The following TMEM151B variants were observed in gnomAD, a reference collection of about 807,000 sequenced individuals.
TMEM151B encodes transmembrane protein 193.
A neutral mutation model predicts 33.0 loss-of-function variants in TMEM151B; 18 were observed. The ratio of observed to expected loss-of-function variants is 0.55; its 90% CI spans 0.38 to 0.81. The LOEUF (loss-of-function observed/expected upper bound fraction) is 0.81, where lower values mean the gene tolerates loss of function less well. TMEM151B is among the 30% of genes least tolerant of loss of function. The pLI, the probability that TMEM151B is intolerant of heterozygous loss-of-function variation, is 0.00. For missense variants in TMEM151B, 672 were observed against 843.4 expected (o/e 0.80, Z 2.52); for synonymous variants, 354 against 373.6 (o/e 0.95, Z 0.61).
chr6:44,275,087 C>G (rs1042603406), intron 2 of TMEM151B, among the ~76,000 whole-genome samples: 1 of 141,072 alleles, frequency 7.1e-6, no homozygotes, highest in Non-Finnish European at 1.5e-5. Flanking sequence ...CACTGCACTC[C>G]AGCCTGGGCG....
rs1782277452 is a variant in TMEM151B at position 44,270,515 on chromosome 6, C to A, written c.-228C>A. ...GCGCCGCGAGGGCCTCAAGGTGACA[C>A]CCGCCCCCGGCCCCGGCCCCCCCCG... On this transcript the variant is annotated 5_prime_UTR_variant, in exon 1 of 3. Coordinates refer to ENST00000451188, the MANE Select transcript of TMEM151B (RefSeq NM_001137560.2). 5.9e-6 allele frequency: 1 copy of A among 170,038 alleles called. No homozygotes were observed. Among genetic ancestry groups the A allele is most frequent in the Non-Finnish European group, 1.2e-5 (1 of 81,664 alleles). The allele number at this position is 170,038 out of a possible 1,614,324, so 10.5% of individuals were successfully genotyped here. A position where few individuals can be genotyped will look rare whatever the true frequency, so the allele number is the denominator to read the frequency against.
chr6:44,276,593 C>A lies in TMEM151B; in HGVS notation c.*66C>A. Reference sequence around the variant, plus strand: ...CCCTCGCCGGACTGTGCTCCCTCTGCGACGCAGGGCGAGTCACCACGGTGA... The same window carrying A: ...CCCTCGCCGGACTGTGCTCCCTCTGAGACGCAGGGCGAGTCACCACGGTGA... On this transcript the variant is annotated 3_prime_UTR_variant, in exon 3 of 3. Transcript: ENST00000451188. 7.7e-7 allele frequency: 1 copy of A among 1,301,566 alleles called. No homozygotes were observed. The highest frequency in any genetic ancestry group is 9.8e-7 in the Non-Finnish European group (1 of 1,024,452). 80.6% of individuals were successfully genotyped at this position (1,301,566 alleles called of 1,614,324 possible). A position where few individuals can be genotyped will look rare whatever the true frequency, so the allele number is the denominator to read the frequency against.
rs1782298875 is a variant in TMEM151B, at chr6:44,270,832, GGCGGCGGCA to G, written c.99_107del (p.Ala35_Ala37del). The G allele has an allele frequency of 1.8e-6, 2 of 1,133,760 alleles. No individual in the cohort carries two copies. The highest frequency in any genetic ancestry group is 1.7e-5 in the African/African-American group (1 of 60,282). 70.2% of individuals were successfully genotyped at this position (1,133,760 alleles called of 1,614,324 possible). ...CCGGGGTCTCGGAGGAGCTCACGGC[GGCGGCGGCA>G]GCGGCGGCGGCGGACGAGGGCCCCG... On this transcript the variant is annotated inframe_deletion, in exon 1 of 3. Coordinates refer to ENST00000451188, the MANE Select transcript of TMEM151B (RefSeq NM_001137560.2).
rs325017 is a variant in TMEM151B, at chr6:44,278,312, A to G, written c.*1785A>G. The stretch of plus-strand genomic sequence containing the variant: ...AGGCTAGAGAGAGGGAGGCTTGGGC[A>G]GGGGAAACAGCTGCCCACCAGGTTT... On this transcript the variant is annotated 3_prime_UTR_variant, in exon 3 of 3. Transcript: ENST00000451188. 111,385 of 154,754 alleles carry G rather than the reference A, an allele frequency of 0.72. 41,257 individuals are homozygous for G. The highest frequency in any genetic ancestry group is 0.81 in the Non-Finnish European group (55,438 of 68,312). 9.6% of individuals were successfully genotyped at this position (154,754 alleles called of 1,614,324 possible). A position where few individuals can be genotyped will look rare whatever the true frequency, so the allele number is the denominator to read the frequency against.
chr6:44,274,804 A>C (rs1782503342), intron 2 of TMEM151B, among the ~76,000 whole-genome samples: 1 of 152,214 alleles, frequency 6.6e-6, no homozygotes, highest in Non-Finnish European at 1.5e-5. Flanking sequence ...TGACCCCTAG[A>C]GGAAGCAGGG....
chr6:44,276,250 C>CGCTGGG lies in TMEM151B; in HGVS notation c.1425_1430dup (p.Leu476_Gly477dup), dbSNP rs1426374636. On this transcript the variant is annotated inframe_insertion, in exon 3 of 3. Coordinates refer to ENST00000451188, the MANE Select transcript of TMEM151B (RefSeq NM_001137560.2). ...GCGGGCTGCGGGGGCAGCCGCTTCT[C>CGCTGGG]GCTGGGCCGTCTCTACGGCTCCCGG... The CGCTGGG allele has an allele frequency of 5.4e-5, 71 of 1,318,398 alleles. No individual in the cohort carries two copies. The highest frequency in any genetic ancestry group is 6.6e-5 in the Non-Finnish European group (68 of 1,038,032). 81.7% of individuals were successfully genotyped at this position (1,318,398 alleles called of 1,614,324 possible).
At chr6:44,272,674 C>A (rs938973588) in intron 1 of TMEM151B, among the ~76,000 whole-genome samples, 1 of 152,184 alleles carries the variant, frequency 6.6e-6, no homozygotes, top group Non-Finnish European at 1.5e-5. Context: ...CCCCTGTCTT[C>A]CCTGTCCACA....
Position 44,276,087 on chromosome 6 carries a change from C to A in TMEM151B, c.1261C>A (p.Pro421Thr). Residue 421 changes from proline (P) to threonine (T), a missense_variant, in exon 3 of 3, where the codon CCG (proline) becomes ACG (threonine). Coordinates refer to ENST00000451188, the MANE Select transcript of TMEM151B (RefSeq NM_001137560.2). ...GTGCCGCTACGGTGGGGTAGGCGGC[C>A]CGGGCGCGGCGGGCGTGGCTCCCTA... Reference protein sequence around the residue: ...PSCRYGGVGGPGAAGVAPYRR... With the variant: ...PSCRYGGVGGTGAAGVAPYRR... 7.6e-7 allele frequency: 1 copy of A among 1,321,542 alleles called. No individual in the cohort carries two copies. The highest frequency in any genetic ancestry group is 2.8e-4 in the Middle Eastern group (1 of 3,566). 81.9% of individuals were successfully genotyped at this position (1,321,542 alleles called of 1,614,324 possible).
intron 2 of TMEM151B, 128 bp downstream of exon 2, chr6:44,273,634 C>A: frequency 2.9e-6 from 3 of 1,028,100 alleles, no homozygotes; most frequent in South Asian, 1.7e-5. Context: ...CTCCCATGAG[C>A]ATTGCAACAG....
rs1040590138 is a variant in TMEM151B, at chr6:44,276,386, C to T, written c.1560C>T (p.Asp520=). ...QASMGDDEDD[D]EEEAGPPPPY... ...GCATGGGGGACGACGAGGACGACGA[C>T]GAGGAGGAGGCCGGGCCGCCGCCGC... Residue 520 remains aspartate (D), a synonymous_variant, in exon 3 of 3, where the codon GAC becomes GAT. Transcript: ENST00000451188. 1.1e-5 allele frequency: 16 copies of T among 1,515,602 alleles called. No homozygotes were observed. Among genetic ancestry groups the T allele is most frequent in the Non-Finnish European group, 1.4e-5 (16 of 1,137,494 alleles). 93.9% of individuals were successfully genotyped at this position (1,515,602 alleles called of 1,614,324 possible). A position where few individuals can be genotyped will look rare whatever the true frequency, so the allele number is the denominator to read the frequency against.
intron 1 of TMEM151B, among the ~76,000 whole-genome samples, chr6:44,271,291 T>C (rs1782330896): frequency 7.4e-6 from 1 of 134,814 alleles, no homozygotes; most frequent in South Asian, 2.4e-4. Flanking sequence ...TGGTGGTACC[T>C]GATCTGGGAC....
chr6:44,273,064 A>G lies in TMEM151B; in HGVS notation c.136-2A>G. The G allele has an allele frequency of 6.7e-7, 1 of 1,485,636 alleles. No individual in the cohort carries two copies. Among genetic ancestry groups the G allele is most frequent in the Non-Finnish European group, 9.0e-7 (1 of 1,111,556 alleles). 92.0% of individuals were successfully genotyped at this position (1,485,636 alleles called of 1,614,324 possible). ...GGCCCCTCTCCCTGCCCACCTGAGC[A>G]GCAGCGTCCCATCCAGCCCTCTTTC... On this transcript the variant is annotated splice_acceptor_variant, in intron 1 of 2. Coordinates refer to ENST00000451188, the MANE Select transcript of TMEM151B (RefSeq NM_001137560.2). LOFTEE classifies it high-confidence loss of function.
At position 44,270,826 on chromosome 6, in the gene TMEM151B, C is replaced by T; in HGVS notation, c.84C>T (p.Leu28=). The change falls in exon 1 of 3, where the codon CTC becomes CTT. Residue 28 remains leucine (L), a synonymous_variant. Transcript: ENST00000451188. ...GGGGPGVSEE[L]TAAAAAAAAD... ...GCGGCCCCGGGGTCTCGGAGGAGCT[C>T]ACGGCGGCGGCGGCAGCGGCGGCGG... The T allele has an allele frequency of 8.9e-7, 1 of 1,124,156 alleles. No individual in the cohort carries two copies. Among genetic ancestry groups the T allele is most frequent in the Non-Finnish European group, 1.1e-6 (1 of 921,824 alleles). 69.6% of individuals were successfully genotyped at this position (1,124,156 alleles called of 1,614,324 possible).
At chr6:44,274,797 C>T (rs371070588) in intron 2 of TMEM151B, among the ~76,000 whole-genome samples, 1 of 152,164 alleles carries the variant, frequency 6.6e-6, no homozygotes, top group Admixed American at 6.5e-5. Context: ...CAGGGCCTGA[C>T]CCCTAGAGGA....
intron 2 of TMEM151B, among the ~76,000 whole-genome samples, chr6:44,274,648 T>G (rs1202025011): frequency 2.6e-5 from 4 of 152,218 alleles, no homozygotes; most frequent in Non-Finnish European, 5.9e-5. Flanking sequence ...TAGGGAGTGC[T>G]TCTGGGGAAC....
chr6:44,272,482 G>A (rs1782402389), intron 1 of TMEM151B, among the ~76,000 whole-genome samples: 1 of 152,124 alleles, frequency 6.6e-6, no homozygotes. Context: ...TGAGGGTTAG[G>A]GAGGTGGATG....
chr6:44,274,152 C>A (rs1311592971), intron 2 of TMEM151B, among the ~76,000 whole-genome samples: 1 of 151,712 alleles, frequency 6.6e-6, no homozygotes, highest in Non-Finnish European at 1.5e-5. Flanking sequence ...GCAGTTGAGG[C>A]TGTAGTGAGC....
intron 1 of TMEM151B, among the ~76,000 whole-genome samples, chr6:44,272,806 T>C (rs1782419349): frequency 6.6e-6 from 1 of 151,978 alleles, no homozygotes; most frequent in African/African-American, 2.4e-5. Context: ...CCTCTTGGGG[T>C]GTCTCTCTCT....
Position 44,270,701 on chromosome 6 carries a change from GC to G in TMEM151B, c.-36del, listed in dbSNP as rs1007703856. The G allele has an allele frequency of 5.7e-5, 41 of 724,722 alleles. No individual in the cohort carries two copies. The highest frequency in any genetic ancestry group is 6.4e-5 in the Non-Finnish European group (36 of 560,206). 44.9% of individuals were successfully genotyped at this position (724,722 alleles called of 1,614,324 possible). ...CGCAGGATGCCCCCGGCCCCTGGCA[GC>G]CCCCCGGGAGGTCCTGAGCTCGACG... On this transcript the variant is annotated 5_prime_UTR_variant, in exon 1 of 3. Coordinates refer to ENST00000451188, the MANE Select transcript of TMEM151B (RefSeq NM_001137560.2).
Sources: allele counts gnomAD v4.1 joint callset (sites outside exome capture counted in the v4.1 genomes callset), GRCh38; gene constraint gnomAD v4.1.1; transcripts MANE v1.5; gene names NCBI Gene and HGNC (gene_info 2026-07-23, HGNC 2026-07-21).